Variants in TDO2 observed in about 807,000 individuals in gnomAD.
TDO2 encodes tryptamin 2,3-dioxygenase.
A neutral mutation model predicts 61.2 loss-of-function variants in TDO2; 63 were observed. The ratio of observed to expected loss-of-function variants is 1.03; its 90% CI spans 0.84 to 1.27. The LOEUF is 1.27. TDO2 is among the 50% of genes most tolerant of loss of function. TDO2 has a pLI of 0.00. For missense variants in TDO2, 494 were observed against 469.5 expected (o/e 1.05, Z -0.48); for synonymous variants, 183 against 164.0 (o/e 1.12, Z -0.89).
Position 155,914,289 on chromosome 4 carries a change from T to C in TDO2, c.727-34T>C, listed in dbSNP as rs773711690. On this transcript the variant is annotated intron_variant, in intron 7 of 11. Transcript: ENST00000536354. ...CTAAAATATCAATCTACTTATTCTC[T>C]CTCAGGACTATTAATGCCATATTTT... 4 of 1,503,002 alleles carry C rather than the reference T, an allele frequency of 2.7e-6. No individual in the cohort carries two copies. The African/African-American group carries it at 5.6e-5, about 21-fold the overall frequency. The allele number at this position is 1,503,002 out of a possible 1,614,324, so 93.1% of individuals were successfully genotyped here.
At chr4:155,904,689 A>G (rs1742685921) in intron 2 of TDO2, among the ~76,000 whole-genome samples, 2 of 152,170 alleles carry the variant, frequency 1.3e-5, no homozygotes, top group Admixed American at 1.3e-4. Context: ...CTAAGGATTA[A>G]CTGATAAAGA....
chr4:155,918,215 A>G lies in TDO2; in HGVS notation c.1043A>G (p.Tyr348Cys), dbSNP rs1742978965. The G allele has an allele frequency of 2.5e-6, 4 of 1,613,986 alleles. No individual in the cohort carries two copies. The highest frequency in any genetic ancestry group is 1.6e-4 in the Middle Eastern group (1 of 6,082). ...SKAGTGGSSG[Y>C]HYLRSTVSDR... ...GCTGGCACCGGTGGTTCCTCAGGCTATCACTACCTGCGATCAACTGTGAGG... is the reference window on the plus strand; with the variant it reads ...GCTGGCACCGGTGGTTCCTCAGGCTGTCACTACCTGCGATCAACTGTGAGG... The change falls in exon 11 of 12, where the codon TAT becomes TGT. Residue 348 changes from tyrosine (Y) to cysteine (C), a missense_variant. Coordinates refer to ENST00000536354, the MANE Select transcript of TDO2 (RefSeq NM_005651.4).
rs1742829711 is a variant in TDO2, at chr4:155,911,547, G to A, written c.669G>A (p.Trp223Ter). ...TAGAGCCACATGGATTTAACTTCTG[G>A]GGAAAGCTTGAAAAAAATATCACCA... The part of the protein sequence containing the change: ...PGLEPHGFNF[W>*]GKLEKNITRG... Residue 223 changes from tryptophan (W) to a stop codon, truncating the protein, a stop_gained, in exon 7 of 12, where the codon TGG becomes TGA. Coordinates refer to ENST00000536354, the MANE Select transcript of TDO2 (RefSeq NM_005651.4). LOFTEE classifies it high-confidence loss of function. 6.3e-7 allele frequency: 1 copy of A among 1,593,320 alleles called. No homozygotes were observed. The highest frequency in any genetic ancestry group is 1.1e-5 in the South Asian group (1 of 89,538).
chr4:155,911,562 A>T lies in TDO2; in HGVS notation c.684A>T (p.Lys228Asn). Residue 228 changes from lysine to asparagine, a missense_variant, in exon 7 of 12, where the codon AAA (lysine) becomes AAT (asparagine). Coordinates refer to ENST00000536354, the MANE Select transcript of TDO2 (RefSeq NM_005651.4). ...HGFNFWGKLE[K>N]NITRGLEEEF... Reference sequence around the variant, plus strand: ...TTAACTTCTGGGGAAAGCTTGAAAAAAATATCACCAGAGGCCTGGAAGAGG... The same window carrying T: ...TTAACTTCTGGGGAAAGCTTGAAAATAATATCACCAGAGGCCTGGAAGAGG... 1 of 1,601,308 alleles carries T rather than the reference A, an allele frequency of 6.2e-7. No homozygotes were observed. Among genetic ancestry groups the T allele is most frequent in the Non-Finnish European group, 8.5e-7 (1 of 1,173,108 alleles).
intron 9 of TDO2, among the ~76,000 whole-genome samples, chr4:155,916,116 T>C (rs896940332): frequency 1.1e-4 from 16 of 151,268 alleles, no homozygotes; most frequent in Non-Finnish European, 1.6e-4. Context: ...ACTTTTTCCC[T>C]GAACAGGGTT....
intron 6 of TDO2, among the ~76,000 whole-genome samples, chr4:155,910,828 G>A (rs942604069): frequency 6.6e-6 from 1 of 151,726 alleles, no homozygotes; most frequent in Admixed American, 6.5e-5. Context: ...TCTGGGTATT[G>A]TAAATGTGGA....
intron 6 of TDO2, 30 bp downstream of exon 6, chr4:155,910,241 A>C (rs777805051): frequency 6.7e-7 from 1 of 1,491,770 alleles, no homozygotes; most frequent in Non-Finnish European, 8.9e-7. Flanking sequence ...ATAAAGTTTA[A>C]CTCAATACAT....
intron 9 of TDO2, among the ~76,000 whole-genome samples, 193 bp from the exon 10 acceptor site, chr4:155,917,202 G>A (rs74842465): frequency 0.065 from 9,836 of 152,170 alleles, 345 homozygotes; most frequent in Middle Eastern, 0.13. Context: ...AACAAACACT[G>A]CAAGTTGAGT....
Position 155,903,812 on chromosome 4 carries a change from T to C in TDO2, c.35+19T>C. ...ACTTTGGGTGAGTATTTACCTTTAT[T>C]CTAAGTGGGTTTTGGCTTTTAGAAG... On this transcript the variant is annotated intron_variant, in intron 1 of 11. Transcript: ENST00000536354. The C allele has an allele frequency of 6.2e-7, 1 of 1,614,084 alleles. No individual in the cohort carries two copies. Among genetic ancestry groups the C allele is most frequent in the South Asian group, 1.1e-5 (1 of 91,084 alleles).
chr4:155,914,487 C>A (rs955657384), intron 8 of TDO2, 53 bp downstream of exon 8: 1 of 1,230,342 alleles, frequency 8.1e-7, no homozygotes, highest in African/African-American at 1.6e-5. Context: ...AATATGAGAT[C>A]AAGACATCAT....
Position 155,918,327 on chromosome 4 carries a change from T to A in TDO2, c.1067+88T>A, listed in dbSNP as rs754371168. 1.9e-4 allele frequency: 228 copies of A among 1,189,030 alleles called. 1 individual carries two copies. In the African/African-American group the frequency reaches 3.1e-3, roughly 16 times the overall value. The allele number at this position is 1,189,030 out of a possible 1,614,324, so 73.7% of individuals were successfully genotyped here. On this transcript the variant is annotated intron_variant, in intron 11 of 11. Coordinates refer to ENST00000536354, the MANE Select transcript of TDO2 (RefSeq NM_005651.4). ...TACATTTGCTATCTAAAAAAAGCCATTTTATTTGCTCCTGTCTGAACTACT... is the reference window on the plus strand; with the variant it reads ...TACATTTGCTATCTAAAAAAAGCCAATTTATTTGCTCCTGTCTGAACTACT...
At chr4:155,909,129 G>T in intron 5 of TDO2, 115 bp downstream of exon 5, 2 of 1,039,136 alleles carry the variant, frequency 1.9e-6, no homozygotes, top group South Asian at 2.0e-5. Flanking sequence ...CTAACATTTT[G>T]TCACTATATG....
chr4:155,909,124 A>G (rs1742772307), intron 5 of TDO2, 110 bp downstream of exon 5: 1 of 1,145,234 alleles, frequency 8.7e-7, no homozygotes, highest in South Asian at 1.8e-5. Flanking sequence ...TCTTACTAAC[A>G]TTTTGTCACT....
At chr4:155,914,026 A>G (rs1057000501) in intron 7 of TDO2, among the ~76,000 whole-genome samples, 2 of 152,102 alleles carry the variant, frequency 1.3e-5, no homozygotes, top group African/African-American at 2.4e-5. Context: ...ATCATTATTA[A>G]CTGCTGGTAG....
At position 155,912,646 on chromosome 4, in the gene TDO2, GCTTAGATCCTTT is replaced by G. The variant is rs371510362; in HGVS notation, c.726+1045_726+1056del. 8.2e-3 allele frequency among the ~76,000 whole-genome samples: 1,249 copies of G among 151,896 alleles called. 15 individuals are homozygous for G. Among genetic ancestry groups the G allele is most frequent in the African/African-American group, 0.029 (1,196 of 41,428 alleles). On this transcript the variant is annotated intron_variant, in intron 7 of 11. Coordinates refer to ENST00000536354, the MANE Select transcript of TDO2 (RefSeq NM_005651.4). ...AATGGTAGAGTTTTGTAGTCCATTG[GCTTAGATCCTTT>G]CTGTTCTATCTCTATACTCTTTCAT...
intron 10 of TDO2, 69 bp from the exon 11 acceptor site, chr4:155,918,080 T>C: frequency 1.4e-6 from 2 of 1,446,850 alleles, no homozygotes; most frequent in South Asian, 2.4e-5. Context: ...TACCAACCCC[T>C]CATTGTTAGA....
At position 155,919,847 on chromosome 4, in the gene TDO2, A is replaced by G. The variant is rs1560780260; in HGVS notation, c.1078A>G (p.Lys360Glu). Residue 360 changes from lysine (K) to glutamate (E), a missense_variant, in exon 12 of 12, where the codon AAG becomes GAG. Lys to Glu is a moderately conservative substitution (Grantham distance 56). Transcript: ENST00000536354. ...YLRSTVSDRY[K>E]VFVDLFNLST... is the part of the protein sequence containing the mutation. ...TGTATGTTTTTCCAGTGATAGGTAC[A>G]AGGTATTTGTAGATTTATTTAATCT... 6.2e-7 allele frequency: 1 copy of G among 1,613,020 alleles called. No individual in the cohort carries two copies. The highest frequency in any genetic ancestry group is 8.5e-7 in the Non-Finnish European group (1 of 1,179,522).
At position 155,919,777 on chromosome 4, in the gene TDO2, T is replaced by A. The variant is rs111888438; in HGVS notation, c.1068-60T>A. On this transcript the variant is annotated intron_variant, in intron 11 of 11. Coordinates refer to ENST00000536354, the MANE Select transcript of TDO2 (RefSeq NM_005651.4). ...ATATCTGAGAAATAAATTTTCTAATTGAAAAATTTAAATATTTCATGTCAA... is the reference window on the plus strand; with the variant it reads ...ATATCTGAGAAATAAATTTTCTAATAGAAAAATTTAAATATTTCATGTCAA... 2.3e-3 allele frequency: 3,344 copies of A among 1,447,876 alleles called. 48 individuals are homozygous for A. The African/African-American group carries it at 0.037, about 16-fold the overall frequency. 89.7% of individuals were successfully genotyped at this position (1,447,876 alleles called of 1,614,324 possible).
chr4:155,917,872 G>GT (rs1381239588), intron 10 of TDO2, among the ~76,000 whole-genome samples: 1 of 151,940 alleles, frequency 6.6e-6, no homozygotes, highest in Non-Finnish European at 1.5e-5. Context: ...AAGGTGGCAT[G>GT]GACTCATGAG....
Sources: gnomAD v4.1 joint callset for allele counts (sites outside exome capture counted in the v4.1 genomes callset) on GRCh38, gnomAD v4.1.1 for gene constraint, MANE v1.5 for transcripts, NCBI Gene and HGNC (gene_info 2026-07-23, HGNC 2026-07-21) for gene names.